The following UQCRC2 variants were observed in gnomAD, a reference collection of about 807,000 sequenced individuals.
UQCRC2 encodes cytochrome b-c1 complex subunit 2, mitochondrial.
Under a neutral mutation model 55.6 loss-of-function variants are expected in UQCRC2, and 49 were observed. The ratio of observed to expected loss-of-function variants is 0.88; its 90% CI spans 0.70 to 1.12. The LOEUF is 1.12. UQCRC2 is among the 50% of genes most tolerant of loss of function. The pLI is 0.00. For synonymous variants in UQCRC2, 193 were observed against 192.0 expected (o/e 1.01, Z -0.04); for missense variants, 506 against 547.8 (o/e 0.92, Z 0.76).
At chr16:21,974,565 A>T (rs1472089333) in intron 11 of UQCRC2, among the ~76,000 whole-genome samples, 6 of 152,202 alleles carry the variant, frequency 3.9e-5, no homozygotes, top group African/African-American at 1.4e-4. Context: ...TGATCTTAAC[A>T]GTTTTGACTA....
At chr16:21,961,668 A>ATATATATATATT (rs1321053912) in intron 4 of UQCRC2, among the ~76,000 whole-genome samples, 3 of 116,048 alleles carry the variant, frequency 2.6e-5, no homozygotes, top group Non-Finnish European at 3.5e-5. Flanking sequence ...ATATATATAT[A>ATATATATATATT]TTTTAGACAG....
At position 21,968,614 on chromosome 16, in the gene UQCRC2, T is replaced by C. The variant is rs573549977; in HGVS notation, c.613-14T>C. The C allele has an allele frequency of 6.3e-7, 1 of 1,597,366 alleles. No individual in the cohort carries two copies. Among genetic ancestry groups the C allele is most frequent in the Non-Finnish European group, 8.5e-7 (1 of 1,173,138 alleles). The stretch of plus-strand genomic sequence containing the variant: ...ATGCTAATATAACCTAATAAGTGTT[T>C]TTAACTTCCTCAGTTACATTACTTC... On this transcript the variant is annotated splice_polypyrimidine_tract_variant and intron_variant, in intron 7 of 13. Transcript: ENST00000268379.
At chr16:21,968,147 G>A (rs575989056) in intron 7 of UQCRC2, among the ~76,000 whole-genome samples, 15 of 151,828 alleles carry the variant, frequency 9.9e-5, no homozygotes, top group Admixed American at 5.3e-4. Flanking sequence ...GATTACAGGC[G>A]TGCACCACCA....
chr16:21,968,418 C>G, intron 7 of UQCRC2: 1 of 407,792 alleles, frequency 2.5e-6, no homozygotes, highest in Non-Finnish European at 4.4e-6. Context: ...AGTTGTGCAA[C>G]CATGACCACA....
At chr16:21,969,519 G>T (rs746018660) in intron 8 of UQCRC2, among the ~76,000 whole-genome samples, 1 of 152,138 alleles carries the variant, frequency 6.6e-6, no homozygotes, top group African/African-American at 2.4e-5. Flanking sequence ...GCGACAGAGT[G>T]AGACTCTGTC....
Position 21,953,381 on chromosome 16 carries a change from C to T in UQCRC2, c.-43C>T, listed in dbSNP as rs1209799108. On this transcript the variant is annotated 5_prime_UTR_variant, in exon 1 of 14. Coordinates refer to ENST00000268379, the MANE Select transcript of UQCRC2 (RefSeq NM_003366.4). ...CCGGCCTCCGCCACCATCTTGCTTT[C>T]CTTTAATCCGGCAGTGACCGTGTGT... The T allele has an allele frequency of 1.2e-5, 19 of 1,608,620 alleles. No homozygotes were observed. The highest frequency in any genetic ancestry group is 1.5e-5 in the Non-Finnish European group (18 of 1,177,788).
At position 21,980,547 on chromosome 16, in the gene UQCRC2, G is replaced by A. The variant is rs769137921; in HGVS notation, c.1125G>A (p.Lys375=). 5.0e-6 allele frequency: 8 copies of A among 1,613,384 alleles called. No homozygotes were observed. Among genetic ancestry groups the A allele is most frequent in the South Asian group, 3.3e-5 (3 of 90,894 alleles). Residue 375 remains lysine (K), a splice_region_variant and synonymous_variant, in exon 13 of 14, where the codon AAG becomes AAA. Coordinates refer to ENST00000268379, the MANE Select transcript of UQCRC2 (RefSeq NM_003366.4). ...NLSNTDVQAA[K]NKLKAGYLMS... is the part of the protein sequence containing the mutation. ...CTGACTTCTGCCTTTTATTGGACAG[G>A]AACAAGCTGAAAGCTGGATACCTAA... is the stretch of plus-strand genomic sequence containing the variant.
At chr16:21,953,597 G>C in intron 1 of UQCRC2, 141 bp downstream of exon 1, 1 of 1,091,718 alleles carries the variant, frequency 9.2e-7, no homozygotes, top group Non-Finnish European at 1.3e-6. Flanking sequence ...CAAGTGGGCT[G>C]CAGACTGGGT....
intron 8 of UQCRC2, among the ~76,000 whole-genome samples, chr16:21,970,741 A>G (rs557898924): frequency 1.3e-5 from 2 of 152,194 alleles, no homozygotes; most frequent in South Asian, 4.2e-4. Context: ...GCATGCCACC[A>G]TTCCTGGCTA....
chr16:21,961,546 G>A (rs1197292487), intron 4 of UQCRC2: 2 of 150,504 alleles, frequency 1.3e-5, no homozygotes, highest in Admixed American at 6.9e-5. Context: ...TGAGGGAATT[G>A]GTCTTGGAAG....
chr16:21,953,600 G>T, intron 1 of UQCRC2, 144 bp downstream of exon 1: 1 of 1,067,132 alleles, frequency 9.4e-7, no homozygotes, highest in South Asian at 1.6e-5. Context: ...GTGGGCTGCA[G>T]ACTGGGTCAG....
chr16:21,968,448 A>G, intron 7 of UQCRC2, 180 bp from the exon 8 acceptor site: 1 of 460,192 alleles, frequency 2.2e-6, no homozygotes, highest in African/African-American at 2.0e-5. Context: ...TAGTTCTTTT[A>G]AGCAATAGTT....
intron 4 of UQCRC2, 171 bp from the exon 5 acceptor site, chr16:21,962,289 A>T (rs891030678): frequency 5.7e-6 from 4 of 707,224 alleles, no homozygotes; most frequent in Non-Finnish European, 9.2e-6. Flanking sequence ...GCTGGTTTTT[A>T]AAAAAATTTT....
chr16:21,978,303 A>G (rs1404591574), intron 12 of UQCRC2, among the ~76,000 whole-genome samples: 1 of 152,206 alleles, frequency 6.6e-6, no homozygotes, highest in East Asian at 1.9e-4. Flanking sequence ...GCAGCATTAA[A>G]TTGTAATTAT....
chr16:21,967,927 G>A (rs1161656774), intron 7 of UQCRC2, among the ~76,000 whole-genome samples: 2 of 151,496 alleles, frequency 1.3e-5, no homozygotes, highest in Admixed American at 6.6e-5. Flanking sequence ...TACTACGTAA[G>A]CTACATTATA....
chr16:21,982,349 C>T (rs1300734680), intron 13 of UQCRC2, among the ~76,000 whole-genome samples: 1 of 152,116 alleles, frequency 6.6e-6, no homozygotes, highest in Non-Finnish European at 1.5e-5. Flanking sequence ...AAAGAATCCT[C>T]TAGGGTATCA....
chr16:21,953,591 TGG>T (rs1253565908), intron 1 of UQCRC2, 135 bp downstream of exon 1: 2 of 1,153,846 alleles, frequency 1.7e-6, no homozygotes, highest in Non-Finnish European at 2.4e-6. Context: ...GCGGGCCAAG[TGG>T]GCTGCAGACT....
intron 11 of UQCRC2, among the ~76,000 whole-genome samples, chr16:21,974,753 T>C (rs142945321): frequency 7.2e-5 from 11 of 152,176 alleles, no homozygotes; most frequent in Admixed American, 5.2e-4. Flanking sequence ...GGAGCAGATA[T>C]CGGAGATAGA....
chr16:21,979,761 T>A lies in UQCRC2; in HGVS notation c.1125-786T>A, dbSNP rs1898671646. ...AAACATAGGCTACGCTAAATTTATT[T>A]TTTTAAAATTGCACTACAACATTAT... On this transcript the variant is annotated intron_variant, in intron 12 of 13. Transcript: ENST00000268379. 2.0e-5 allele frequency among the ~76,000 whole-genome samples: 3 copies of A among 152,210 alleles called. No individual in the cohort carries two copies. In the South Asian group the frequency reaches 6.2e-4, roughly 32 times the overall value.
Sources: gnomAD v4.1 joint callset for allele counts (sites outside exome capture counted in the v4.1 genomes callset) on GRCh38, gnomAD v4.1.1 for gene constraint, MANE v1.5 for transcripts, NCBI Gene and HGNC (gene_info 2026-07-23, HGNC 2026-07-21) for gene names.